Variants in METTL15 observed in about 807,000 individuals in gnomAD.
METTL15 encodes the protein methyltransferase 15, mitochondrial 12S rRNA N4-cytidine.
METTL15 carries 34 observed loss-of-function variants against 38.3 expected under a neutral mutation model. That is an observed-to-expected ratio of 0.89 (90% CI 0.68 to 1.18). METTL15 has a LOEUF of 1.18. METTL15 is among the 50% of genes most tolerant of loss of function. METTL15 has a pLI of 0.00. For synonymous variants in METTL15, 162 were observed against 170.9 expected (o/e 0.95, Z 0.41); for missense variants, 438 against 498.4 (o/e 0.88, Z 1.15).
At chr11:28,391,330 A>C (rs1429894223) in intron 5 of METTL15, among the ~76,000 whole-genome samples, 1 of 152,086 alleles carries the variant, frequency 6.6e-6, no homozygotes, top group Non-Finnish European at 1.5e-5. Flanking sequence ...GAATGCTTCC[A>C]GTTTTTGCCC....
chr11:28,307,783 G>C (rs1301287735), intron 6 of METTL15, among the ~76,000 whole-genome samples: 1 of 151,848 alleles, frequency 6.6e-6, no homozygotes, highest in Non-Finnish European at 1.5e-5. Context: ...TGAAGACAAA[G>C]GTTTTACTTT....
At chr11:28,349,658 T>C (rs1038847470) in intron 3 of METTL15, among the ~76,000 whole-genome samples, 5 of 152,152 alleles carry the variant, frequency 3.3e-5, no homozygotes, top group African/African-American at 1.2e-4. Flanking sequence ...GCAGAAAGAA[T>C]TAAATTATTT....
intron 5 of METTL15, among the ~76,000 whole-genome samples, chr11:28,383,445 T>C (rs1850409487): frequency 6.6e-6 from 1 of 152,296 alleles, no homozygotes; most frequent in African/African-American, 2.4e-5. Context: ...TTGTGTCTTT[T>C]TGGTAGAATA....
At chr11:28,152,005 C>T (rs980419951) in intron 3 of METTL15, among the ~76,000 whole-genome samples, 4 of 152,076 alleles carry the variant, frequency 2.6e-5, no homozygotes, top group African/African-American at 4.8e-5. Context: ...CAATTCCCAG[C>T]GTGAGTGCCT....
At chr11:28,261,349 C>T (rs1175240181) in intron 4 of METTL15, 1 of 152,176 alleles carries the variant, frequency 6.6e-6, no homozygotes, top group African/African-American at 2.4e-5. Flanking sequence ...GGAGAATGGT[C>T]CTCTTCTTTC....
chr11:28,286,635 A>G (rs2133981732), intron 4 of METTL15, among the ~76,000 whole-genome samples: 1 of 152,232 alleles, frequency 6.6e-6, no homozygotes, highest in Admixed American at 6.6e-5. Flanking sequence ...ACTGTTTAAC[A>G]AAACAGTAGT....
chr11:28,129,120 A>G (rs1270472328), intron 3 of METTL15, among the ~76,000 whole-genome samples: 1 of 152,246 alleles, frequency 6.6e-6, no homozygotes, highest in East Asian at 1.9e-4. Flanking sequence ...TTCTAATAAC[A>G]TATTCTCAAG....
chr11:28,371,685 G>C (rs1850244590), intron 5 of METTL15, among the ~76,000 whole-genome samples: 1 of 151,852 alleles, frequency 6.6e-6, no homozygotes, highest in South Asian at 2.1e-4. Flanking sequence ...GTCATTTATA[G>C]TTTACTTTGT....
chr11:28,311,299 T>C (rs772394796), intron 6 of METTL15, among the ~76,000 whole-genome samples: 2 of 152,340 alleles, frequency 1.3e-5, no homozygotes, highest in Non-Finnish European at 2.9e-5. Context: ...GGAAATGTCA[T>C]GAACAAGTAG....
At chr11:28,378,578 C>T (rs868631904) in intron 5 of METTL15, among the ~76,000 whole-genome samples, 101 of 152,250 alleles carry the variant, frequency 6.6e-4, no homozygotes, top group Admixed American at 4.0e-3. Context: ...TGAGATGAAC[C>T]GGGTACCTCA....
intron 3 of METTL15, chr11:28,123,713 A>G (rs951771526): frequency 1.3e-5 from 6 of 473,404 alleles, no homozygotes; most frequent in Non-Finnish European, 2.2e-5. Context: ...TTGAGATGTC[A>G]TTTTATCAAA....
At chr11:28,511,695 A>T (rs1286560499) in intron 6 of METTL15, among the ~76,000 whole-genome samples, 1 of 152,082 alleles carries the variant, frequency 6.6e-6, no homozygotes, top group Non-Finnish European at 1.5e-5. Context: ...TGGTTTTAGG[A>T]GTGAAGCTGC....
At chr11:28,175,478 G>T (rs967370393) in intron 3 of METTL15, among the ~76,000 whole-genome samples, 33 of 152,044 alleles carry the variant, frequency 2.2e-4, no homozygotes, top group Admixed American at 2.0e-4. Flanking sequence ...TGGGATTGCT[G>T]GGTCAAATGG....
chr11:28,277,221 C>G (rs1012306980), intron 4 of METTL15, among the ~76,000 whole-genome samples: 2 of 152,072 alleles, frequency 1.3e-5, no homozygotes, highest in African/African-American at 4.8e-5. Flanking sequence ...CCAGCAATAC[C>G]CCTGCTGGGT....
At chr11:28,312,599 G>A (rs1019726609) in intron 6 of METTL15, among the ~76,000 whole-genome samples, 1 of 152,230 alleles carries the variant, frequency 6.6e-6, no homozygotes, top group Non-Finnish European at 1.5e-5. Context: ...ATTTTGTGCT[G>A]CTATAACAGA....
intron 6 of METTL15, among the ~76,000 whole-genome samples, chr11:28,307,203 A>G (rs2134018175): frequency 6.6e-6 from 1 of 152,094 alleles, no homozygotes; most frequent in South Asian, 2.1e-4. Flanking sequence ...TATAACACAC[A>G]GTAAACAACA....
intron 6 of METTL15, among the ~76,000 whole-genome samples, chr11:28,430,635 TGG>T (rs1850914162): frequency 1.9e-5 from 1 of 53,690 alleles, no homozygotes; most frequent in Non-Finnish European, 3.7e-5. Context: ...CCACCCCGTC[TGG>T]GAGGTGAGGG....
intron 4 of METTL15, among the ~76,000 whole-genome samples, chr11:28,277,495 C>T (rs756549900): frequency 8.5e-5 from 13 of 152,118 alleles, no homozygotes; most frequent in Non-Finnish European, 1.3e-4. Context: ...GTCAGGATTT[C>T]GAGACCAGCC....
chr11:28,195,487 A>C (rs987691911), intron 3 of METTL15, among the ~76,000 whole-genome samples: 1 of 151,748 alleles, frequency 6.6e-6, no homozygotes, highest in East Asian at 1.9e-4. Flanking sequence ...ATTTTTTTCT[A>C]TGTTTGGCCA....
Sources: allele counts gnomAD v4.1 joint callset (sites outside exome capture counted in the v4.1 genomes callset), GRCh38; gene constraint gnomAD v4.1.1; transcripts MANE v1.5; gene names NCBI Gene and HGNC (gene_info 2026-07-23, HGNC 2026-07-21).